The following PRRC2B variants were observed in gnomAD, a reference collection of about 807,000 sequenced individuals.
PRRC2B encodes the protein protein PRRC2B.
In PRRC2B, 68 loss-of-function variants were observed where a neutral mutation model predicts 242.3. The observed-to-expected ratio is 0.28, with a 90% CI of 0.23 to 0.34. The LOEUF (loss-of-function observed/expected upper bound fraction) is 0.34. Ranked by LOEUF, PRRC2B falls within the 10% of genes least tolerant of loss-of-function variation. The pLI is 1.00. For synonymous variants in PRRC2B, 1,228 were observed against 1,173.6 expected (o/e 1.05, Z -0.95); for missense variants, 2,835 against 2,954.8 (o/e 0.96, Z 0.94).
At chr9:131,489,786 G>A (rs543769129) in intron 28 of PRRC2B, among the ~76,000 whole-genome samples, 2 of 152,074 alleles carry the variant, frequency 1.3e-5, no homozygotes, top group African/African-American at 2.4e-5. Context: ...TCTCTTTCAT[G>A]CATCAGATAT....
At chr9:131,491,357 C>T (rs1315636313) in intron 28 of PRRC2B, 68 bp from the exon 29 acceptor site, 1 of 1,460,902 alleles carries the variant, frequency 6.8e-7, no homozygotes, top group Non-Finnish European at 9.2e-7. Context: ...TGTGCGGTCG[C>T]TCTTTGGTGC....
At chr9:131,397,429 G>A (rs1025461131) in intron 1 of PRRC2B, among the ~76,000 whole-genome samples, 1 of 152,038 alleles carries the variant, frequency 6.6e-6, no homozygotes, top group Non-Finnish European at 1.5e-5. Flanking sequence ...GTTCCAGCAT[G>A]GGTCCCTTTG....
chr9:131,488,747 G>A (rs1944099435), intron 28 of PRRC2B, among the ~76,000 whole-genome samples: 1 of 152,140 alleles, frequency 6.6e-6, no homozygotes, highest in African/African-American at 2.4e-5. Context: ...TCCCTGAAAC[G>A]CCAGCTTTGA....
chr9:131,484,188 G>C (rs1435154487), intron 23 of PRRC2B, among the ~76,000 whole-genome samples: 1 of 152,222 alleles, frequency 6.6e-6, no homozygotes, highest in East Asian at 1.9e-4. Flanking sequence ...TCCAGCCTCT[G>C]TTACCAGAGC....
intron 19 of PRRC2B, among the ~76,000 whole-genome samples, chr9:131,481,266 G>A (rs1489928987): frequency 3.1e-5 from 4 of 131,146 alleles, no homozygotes; most frequent in East Asian, 2.2e-4. Context: ...AGTGGAGATC[G>A]CGCCACTGCA....
Position 131,438,086 on chromosome 9 carries a change from TAAG to T in PRRC2B, c.397-896_397-894del, listed in dbSNP as rs1442507784. 3.3e-5 allele frequency among the ~76,000 whole-genome samples: 5 copies of T among 152,194 alleles called. No homozygotes were observed. The East Asian group carries it at 5.8e-4, about 18-fold the overall frequency. The stretch of plus-strand genomic sequence containing the variant: ...TTTTCTCTCATATGTGAGGGGCAGG[TAAG>T]AAGAAGTGCCCAGTGTTGTGCGAGT... On this transcript the variant is annotated intron_variant, in intron 4 of 31. Coordinates refer to ENST00000683519, the MANE Select transcript of PRRC2B (RefSeq NM_013318.4).
Position 131,450,282 on chromosome 9 carries a change from T to C in PRRC2B, c.1120+2478T>C, listed in dbSNP as rs572670032. Among the ~76,000 whole-genome samples, 128 of 151,938 alleles carry C rather than the reference T, an allele frequency of 8.4e-4. 1 individual carries two copies. Among genetic ancestry groups the C allele is most frequent in the Admixed American group, 4.6e-3 (70 of 15,242 alleles). On this transcript the variant is annotated intron_variant, in intron 9 of 31. Transcript: ENST00000683519. Reference sequence around the variant, plus strand: ...GACATCTTAAATTTTTTTTTTTTTTTCCCGAGACAGAGTCTTGCTCTATTG... The same window carrying C: ...GACATCTTAAATTTTTTTTTTTTTTCCCCGAGACAGAGTCTTGCTCTATTG...
At chr9:131,429,238 C>G (rs144815246) in intron 1 of PRRC2B, among the ~76,000 whole-genome samples, 1 of 152,296 alleles carries the variant, frequency 6.6e-6, no homozygotes. Flanking sequence ...TGAACCACCA[C>G]GCCCAGCCAG....
At chr9:131,420,497 T>TTCGTTCGTTC in intron 1 of PRRC2B, among the ~76,000 whole-genome samples, 1 of 16,466 alleles carries the variant, frequency 6.1e-5, no homozygotes, top group African/African-American at 1.4e-4. Context: ...TTCTTTCTTT[T>TTCGTTCGTTC]TTTTTTTTTT....
At chr9:131,461,819 G>A (rs932992893) in intron 11 of PRRC2B, among the ~76,000 whole-genome samples, 20 of 152,140 alleles carry the variant, frequency 1.3e-4, no homozygotes, top group African/African-American at 3.9e-4. Flanking sequence ...GAGCCACTGC[G>A]CCCGGCCTGC....
chr9:131,492,083 C>A, intron 29 of PRRC2B, 86 bp from the exon 30 acceptor site: 1 of 1,063,840 alleles, frequency 9.4e-7, no homozygotes, highest in Admixed American at 1.7e-5. Flanking sequence ...GCCCTCACCA[C>A]CTCTGCCCTG....
At chr9:131,412,915 T>C (rs1453074084) in intron 1 of PRRC2B, among the ~76,000 whole-genome samples, 1 of 151,082 alleles carries the variant, frequency 6.6e-6, no homozygotes, top group Non-Finnish European at 1.5e-5. Flanking sequence ...AGCCTCAGCC[T>C]CCCGAGTAGC....
Position 131,487,714 on chromosome 9 carries a change from T to C in PRRC2B, c.5985-142T>C. The C allele has an allele frequency of 1.8e-6, 2 of 1,109,342 alleles. No individual in the cohort carries two copies. Among genetic ancestry groups the C allele is most frequent in the Middle Eastern group, 3.0e-4 (1 of 3,358 alleles). The allele number at this position is 1,109,342 out of a possible 1,614,324, so 68.7% of individuals were successfully genotyped here. ...TCTAGGAGCTTGTTCTCAGGCCCCA[T>C]CCTGGACCCTCTGAGTCGCGCTCTG... On this transcript the variant is annotated intron_variant, in intron 27 of 31. Coordinates refer to ENST00000683519, the MANE Select transcript of PRRC2B (RefSeq NM_013318.4). This position sits in a 1 kb window ranked among gnomAD's most constrained non-coding sequence, Gnocchi z 5.3.
rs921028961 is a variant in PRRC2B at position 131,499,092 on chromosome 9, G to A, written c.*3218G>A. Reference sequence around the variant, plus strand: ...CTTTATTTCACATTCAAGAAAATCAGTTCAGTTCCAAAGCTGTGGTCCTTC... The same window carrying A: ...CTTTATTTCACATTCAAGAAAATCAATTCAGTTCCAAAGCTGTGGTCCTTC... On this transcript the variant is annotated 3_prime_UTR_variant, in exon 32 of 32. Coordinates refer to ENST00000683519, the MANE Select transcript of PRRC2B (RefSeq NM_013318.4). 1 of 152,250 alleles carries A rather than the reference G, an allele frequency of 6.6e-6. No homozygotes were observed. The highest frequency in any genetic ancestry group is 1.5e-5 in the Non-Finnish European group (1 of 68,048). The allele number at this position is 152,250 out of a possible 1,614,324, so 9.4% of individuals were successfully genotyped here.
intron 31 of PRRC2B, among the ~76,000 whole-genome samples, chr9:131,495,378 GC>G (rs773588449): frequency 6.6e-6 from 1 of 152,198 alleles, no homozygotes; most frequent in Non-Finnish European, 1.5e-5. Flanking sequence ...ACTTGAAGGG[GC>G]CTTTTTTGCC....
At chr9:131,397,890 C>G (rs1346231223) in intron 1 of PRRC2B, among the ~76,000 whole-genome samples, 1 of 152,114 alleles carries the variant, frequency 6.6e-6, no homozygotes, top group Non-Finnish European at 1.5e-5. Flanking sequence ...TGCTCCAAAT[C>G]TTGTAATTTT....
intron 28 of PRRC2B, among the ~76,000 whole-genome samples, chr9:131,488,589 C>A (rs1944093703): frequency 6.6e-6 from 1 of 152,188 alleles, no homozygotes; most frequent in South Asian, 2.1e-4. Context: ...TTCTTGAGAC[C>A]TGGCTGTCCC....
At chr9:131,405,124 G>A (rs1415359001) in intron 1 of PRRC2B, among the ~76,000 whole-genome samples, 3 of 152,196 alleles carry the variant, frequency 2.0e-5, no homozygotes, top group Non-Finnish European at 4.4e-5. Context: ...GCGGCTTTCT[G>A]TGGTGAGCGT....
intron 22 of PRRC2B, 112 bp from the exon 23 acceptor site, chr9:131,483,247 T>C (rs1943922636): frequency 4.0e-6 from 4 of 1,009,510 alleles, no homozygotes; most frequent in African/African-American, 3.2e-5. Context: ...CAGTGAATGC[T>C]GCTCAGTGGA....
Sources: allele counts gnomAD v4.1 joint callset (sites outside exome capture counted in the v4.1 genomes callset), GRCh38; gene constraint gnomAD v4.1.1; non-coding constraint Gnocchi (gnomAD v3.1); transcripts MANE v1.5; gene names NCBI Gene and HGNC (gene_info 2026-07-23, HGNC 2026-07-21).